OR1J2: variants seen among roughly 807,000 people sequenced by gnomAD.
OR1J2 encodes olfactory receptor family 1 subfamily J member 2.
For missense variants in OR1J2, 304 were observed against 246.1 expected, an observed-to-expected ratio of 1.24 and a Z score of -1.57; for synonymous variants, 142 against 99.7, an observed-to-expected ratio of 1.42 and a Z score of -2.52.
the OR1J2 span, among the ~76,000 whole-genome samples, chr9:122,491,355 G>C: frequency 6.6e-6 from 1 of 152,016 alleles, no homozygotes; most frequent in Non-Finnish European, 1.5e-5. Context: ...TGTCAACATA[G>C]AGGAGGATGA....
the OR1J2 span, among the ~76,000 whole-genome samples, chr9:122,545,110 A>C: frequency 6.6e-6 from 1 of 152,032 alleles, no homozygotes; most frequent in Non-Finnish European, 1.5e-5. Context: ...TTCTATTTGT[A>C]TTGCTTAATT....
chr9:122,522,000 G>C, the OR1J2 span, among the ~76,000 whole-genome samples: 2 of 152,194 alleles, frequency 1.3e-5, no homozygotes. Flanking sequence ...AGATCAGTTT[G>C]TCTTGGTTTT....
the OR1J2 span, among the ~76,000 whole-genome samples, chr9:122,472,909 C>A: frequency 6.6e-6 from 1 of 152,132 alleles, no homozygotes; most frequent in Non-Finnish European, 1.5e-5. Context: ...GATCTGCACT[C>A]CTGTCAACGA....
chr9:122,528,355 G>C, the OR1J2 span, among the ~76,000 whole-genome samples: 1 of 152,152 alleles, frequency 6.6e-6, no homozygotes, highest in Non-Finnish European at 1.5e-5. Context: ...CCAGCACTTT[G>C]GGAGACCGAG....
chr9:122,523,469 A>G, the OR1J2 span, among the ~76,000 whole-genome samples: 1 of 152,186 alleles, frequency 6.6e-6, no homozygotes, highest in Non-Finnish European at 1.5e-5. Context: ...CGGGTAACCA[A>G]CGTGTGAGAT....
the OR1J2 span, among the ~76,000 whole-genome samples, chr9:122,474,837 C>T: frequency 6.6e-6 from 1 of 151,252 alleles, no homozygotes; most frequent in Non-Finnish European, 1.5e-5. Flanking sequence ...TGCACAGTAA[C>T]AGCATCTCTA....
chr9:122,476,173 G>A, the OR1J2 span, among the ~76,000 whole-genome samples: 8 of 152,302 alleles, frequency 5.3e-5, no homozygotes, highest in South Asian at 1.2e-3. Flanking sequence ...GGAAGTGTGG[G>A]CTATATTCTG....
upstream of OR1J2, among the ~76,000 whole-genome samples, chr9:122,507,166 T>G (rs1828535356): frequency 1.3e-5 from 2 of 152,194 alleles, no homozygotes; most frequent in African/African-American, 4.8e-5. Context: ...CAAACGTCTC[T>G]CCAAAGGAGT....
the OR1J2 span, among the ~76,000 whole-genome samples, chr9:122,564,164 G>T: frequency 1.3e-5 from 2 of 152,054 alleles, no homozygotes; most frequent in Non-Finnish European, 2.9e-5. Context: ...CATCACTGTT[G>T]CCCTCTAGTT....
At chr9:122,535,064 G>A in the OR1J2 span, among the ~76,000 whole-genome samples, 1 of 151,926 alleles carries the variant, frequency 6.6e-6, no homozygotes, top group Non-Finnish European at 1.5e-5. Context: ...GGGAATGGAG[G>A]GTGGAAGCTT....
chr9:122,506,911 A>G (rs78655207), upstream of OR1J2, among the ~76,000 whole-genome samples: 3 of 152,154 alleles, frequency 2.0e-5, no homozygotes, highest in Admixed American at 2.0e-4. Context: ...CTGAACAGCA[A>G]AGAATCCAAG....
chr9:122,506,776 T>G (rs1243824341), upstream of OR1J2, among the ~76,000 whole-genome samples: 3 of 151,770 alleles, frequency 2.0e-5, no homozygotes, highest in African/African-American at 4.8e-5. Context: ...AACAGAGAGA[T>G]ATTGAGTGGC....
the OR1J2 span, among the ~76,000 whole-genome samples, chr9:122,546,863 CATAGTGATGTTTTGATACATAT>C: frequency 6.6e-6 from 1 of 152,016 alleles, no homozygotes; most frequent in African/African-American, 2.4e-5. Context: ...TCGGGGGGTA[CATAGTGATGTTTTGATACATAT>C]ATAGTGATCA....
At chr9:122,554,271 ACT>A in the OR1J2 span, 2 of 764,086 alleles carry the variant, frequency 2.6e-6, no homozygotes, top group Non-Finnish European at 4.1e-6. Flanking sequence ...TTATCCGTTG[ACT>A]CTGAGTTAGG....
At chr9:122,515,799 T>C (rs1828692410), downstream of OR1J2, among the ~76,000 whole-genome samples, 1 of 152,196 alleles carries the variant, frequency 6.6e-6, no homozygotes, top group African/African-American at 2.4e-5. Flanking sequence ...CTGCATCTTC[T>C]TATTACAATC....
chr9:122,496,475 G>A, the OR1J2 span, among the ~76,000 whole-genome samples: 1 of 152,100 alleles, frequency 6.6e-6, no homozygotes, highest in African/African-American at 2.4e-5. Flanking sequence ...GGCTGCTTCT[G>A]CTATGTCATA....
At chr9:122,470,649 C>G in the OR1J2 span, among the ~76,000 whole-genome samples, 1 of 152,196 alleles carries the variant, frequency 6.6e-6, no homozygotes, top group Non-Finnish European at 1.5e-5. Flanking sequence ...CCACCCACAG[C>G]TTTCACCAGG....
chr9:122,501,360 G>A, the OR1J2 span, among the ~76,000 whole-genome samples: 1 of 152,076 alleles, frequency 6.6e-6, no homozygotes. Context: ...TGGTCTTTGT[G>A]CTGATTGCTC....
the OR1J2 span, chr9:122,576,652 C>T: frequency 6.6e-6 from 1 of 152,190 alleles, no homozygotes; most frequent in East Asian, 1.9e-4. Flanking sequence ...GGAGGTAAAA[C>T]TCACAACAGT....
Sources: allele counts gnomAD v4.1 joint callset (sites outside exome capture counted in the v4.1 genomes callset), GRCh38; gene constraint gnomAD v4.1.1; transcripts MANE v1.5; gene names NCBI Gene and HGNC (gene_info 2026-07-23, HGNC 2026-07-21).